The following SPMIP4 variants were observed in gnomAD, a reference collection of about 807,000 sequenced individuals.
SPMIP4 encodes the protein sperm microtubule inner protein 4, also known as sperm-associated microtubule inner protein 4.
the SPMIP4 span, among the ~76,000 whole-genome samples, chr7:25,176,744 G>T: frequency 6.6e-6 from 1 of 152,160 alleles, no homozygotes. The surrounding 1 kb of genome is among the most constrained non-coding windows in gnomAD (Gnocchi z 4.4). Context: ...GAAAAATAAA[G>T]AATTTGTTTT....
At chr7:25,137,277 G>A in the SPMIP4 span, among the ~76,000 whole-genome samples, 2 of 139,716 alleles carry the variant, frequency 1.4e-5, no homozygotes, top group East Asian at 2.0e-4. Context: ...AAGGCCTGTA[G>A]TGGGCCCCAG....
At chr7:25,151,730 G>T in the SPMIP4 span, 2 of 1,006,488 alleles carry the variant, frequency 2.0e-6, no homozygotes, top group Non-Finnish European at 3.1e-6. Context: ...TCTTTTAGAG[G>T]ATTAATAGGT....
chr7:25,159,467 T>A, the SPMIP4 span, among the ~76,000 whole-genome samples: 1 of 152,230 alleles, frequency 6.6e-6, no homozygotes, highest in Non-Finnish European at 1.5e-5. Flanking sequence ...TCCACCTACA[T>A]TGGATTTCAA....
the SPMIP4 span, among the ~76,000 whole-genome samples, chr7:25,129,452 T>C: frequency 2.0e-5 from 3 of 152,180 alleles, no homozygotes; most frequent in Non-Finnish European, 2.9e-5. Context: ...ATCACTGCCC[T>C]GTCCCTTCCG....
chr7:25,163,505 C>CTG, the SPMIP4 span, among the ~76,000 whole-genome samples: 19 of 152,148 alleles, frequency 1.2e-4, no homozygotes, highest in Admixed American at 7.2e-4. The surrounding 1 kb of genome is among the most constrained non-coding windows in gnomAD (Gnocchi z 4.4). Context: ...AAACGACCAG[C>CTG]TGTGTGTGTG....
the SPMIP4 span, among the ~76,000 whole-genome samples, chr7:25,178,963 C>T: frequency 6.6e-6 from 1 of 152,108 alleles, no homozygotes; most frequent in African/African-American, 2.4e-5. Flanking sequence ...ATCACCTGAA[C>T]CTGGGAGGCA....
chr7:25,158,990 C>T, the SPMIP4 span, among the ~76,000 whole-genome samples: 11 of 152,068 alleles, frequency 7.2e-5, no homozygotes, highest in African/African-American at 2.7e-4. Context: ...TCTCAGTTGT[C>T]TGTTGATTAA....
At chr7:25,162,387 T>C in the SPMIP4 span, among the ~76,000 whole-genome samples, 1 of 151,568 alleles carries the variant, frequency 6.6e-6, no homozygotes, top group East Asian at 1.9e-4. Flanking sequence ...AAGAAATACT[T>C]GCAAATATTA....
the SPMIP4 span, chr7:25,158,387 A>AAAAAAAAAAAT: frequency 1.3e-6 from 1 of 755,828 alleles, no homozygotes. Flanking sequence ...AAAAAAAAAA[A>AAAAAAAAAAAT]AGAAACGTTT....
the SPMIP4 span, chr7:25,134,645 G>C: frequency 1.8e-5 from 18 of 982,966 alleles, no homozygotes; most frequent in African/African-American, 3.1e-4. Flanking sequence ...TGGGTACAAA[G>C]GTATGAACAT....
At chr7:25,177,254 G>A in the SPMIP4 span, among the ~76,000 whole-genome samples, 7 of 152,016 alleles carry the variant, frequency 4.6e-5, no homozygotes, top group Admixed American at 6.6e-5. Flanking sequence ...AGGCTGAGGC[G>A]GATGGATCAC....
At chr7:25,145,801 C>CAT in the SPMIP4 span, among the ~76,000 whole-genome samples, 5 of 152,136 alleles carry the variant, frequency 3.3e-5, no homozygotes, top group Admixed American at 6.5e-5. Context: ...TTACTGAATA[C>CAT]CTATTGCATG....
the SPMIP4 span, among the ~76,000 whole-genome samples, chr7:25,173,180 T>C: frequency 6.6e-6 from 1 of 152,176 alleles, no homozygotes; most frequent in Admixed American, 6.5e-5. This position sits in a 1 kb window ranked among gnomAD's most constrained non-coding sequence, Gnocchi z 4.4. Context: ...TACTTTTTTC[T>C]CTTTACCAGT....
chr7:25,165,935 C>A, the SPMIP4 span, among the ~76,000 whole-genome samples: 6 of 152,174 alleles, frequency 3.9e-5, no homozygotes, highest in Non-Finnish European at 8.8e-5. Context: ...ACCCCGCTTC[C>A]CAGCCTTCCT....
chr7:25,157,113 A>G, the SPMIP4 span, among the ~76,000 whole-genome samples: 1 of 152,364 alleles, frequency 6.6e-6, no homozygotes, highest in African/African-American at 2.4e-5. Flanking sequence ...AAAAGAATAT[A>G]GGAGCGAACT....
At chr7:25,153,057 TC>T in the SPMIP4 span, among the ~76,000 whole-genome samples, 3 of 152,060 alleles carry the variant, frequency 2.0e-5, no homozygotes, top group Admixed American at 2.0e-4. Context: ...GCTTCTTAGT[TC>T]TAATAAAGAA....
chr7:25,171,485 T>C, the SPMIP4 span, among the ~76,000 whole-genome samples: 46,501 of 152,124 alleles, frequency 0.31, 8,987 homozygotes, highest in Non-Finnish European at 0.42. Flanking sequence ...TTCTGCTTCC[T>C]AATTAGGAAG....
At chr7:25,166,227 C>T in the SPMIP4 span, among the ~76,000 whole-genome samples, 5 of 37,818 alleles carry the variant, frequency 1.3e-4, no homozygotes, top group Non-Finnish European at 2.5e-4. Context: ...TCTTTCTTTC[C>T]GTCTTCTTTT....
chr7:25,172,469 T>C, the SPMIP4 span, among the ~76,000 whole-genome samples: 2 of 152,150 alleles, frequency 1.3e-5, no homozygotes, highest in Non-Finnish European at 2.9e-5. The surrounding 1 kb of genome is among the most constrained non-coding windows in gnomAD (Gnocchi z 4.2). Context: ...ACAAGGTGTT[T>C]TGGTTACATG....
Sources: allele counts gnomAD v4.1 joint callset (sites outside exome capture counted in the v4.1 genomes callset), GRCh38; gene constraint gnomAD v4.1.1; non-coding constraint Gnocchi (gnomAD v3.1); transcripts MANE v1.5; gene names NCBI Gene and HGNC (gene_info 2026-07-23, HGNC 2026-07-21).